DPP4: variants seen among roughly 807,000 people sequenced by gnomAD.
DPP4 encodes the protein dipeptidyl peptidase 4.
Under a neutral mutation model 122.4 loss-of-function variants are expected in DPP4, and 93 were observed. The observed-to-expected ratio is 0.76, with a 90% CI of 0.64 to 0.90. The LOEUF (loss-of-function observed/expected upper bound fraction) is 0.90, where lower values mean the gene tolerates loss of function less well. Ranked by LOEUF, DPP4 falls within the 40% of genes least tolerant of loss-of-function variation. The pLI is 0.00. For missense variants in DPP4, 914 were observed against 907.3 expected (o/e 1.01, Z -0.09); for synonymous variants, 321 against 302.9 (o/e 1.06, Z -0.62).
In DPP4 at chr2:161,993,156, G is replaced by C. The variant is rs200299476; in HGVS notation, c.*127C>G. On this transcript the variant is annotated 3_prime_UTR_variant, in exon 26 of 26. Transcript: ENST00000360534. ...ATAGGTATGAAATTTGGGAACAAAG[G>C]TAACCTTAAGTTTCTTGATTTGAGT... 1.0e-4 allele frequency: 72 copies of C among 711,790 alleles called. No homozygotes were observed. The highest frequency in any genetic ancestry group is 1.6e-4 in the Non-Finnish European group (66 of 422,058). 44.1% of individuals were successfully genotyped at this position (711,790 alleles called of 1,614,324 possible). A position where few individuals can be genotyped will look rare whatever the true frequency, so the allele number is the denominator to read the frequency against.
At chr2:162,034,582 C>T (rs758821470) in intron 9 of DPP4, among the ~76,000 whole-genome samples, 47 of 152,166 alleles carry the variant, frequency 3.1e-4, no homozygotes, top group Non-Finnish European at 5.0e-4. Context: ...CCCTTCTAAA[C>T]CCCATCTCAC....
In DPP4 at chr2:162,062,207, G is replaced by T. The variant is rs982173397; in HGVS notation, c.94+11192C>A. Among the ~76,000 whole-genome samples the T allele has an allele frequency of 3.9e-5, 6 of 152,254 alleles. No homozygotes were observed. In the South Asian group the frequency reaches 1.2e-3, roughly 32 times the overall value. On this transcript the variant is annotated intron_variant, in intron 2 of 25. Coordinates refer to ENST00000360534, the MANE Select transcript of DPP4 (RefSeq NM_001935.4). ...TGAGGCGGGAGAATCGCTTGAAACT[G>T]GGAGGCAGTGGTTGCAGTGAGCTGA...
intron 23 of DPP4, among the ~76,000 whole-genome samples, chr2:162,001,352 C>CT (rs572224316): frequency 1.6e-3 from 250 of 152,250 alleles, no homozygotes; most frequent in African/African-American, 5.7e-3. Flanking sequence ...AGGGGAAACT[C>CT]TAACTTCTTG....
chr2:162,033,910 T>C (rs2106118499), intron 9 of DPP4, among the ~76,000 whole-genome samples: 1 of 123,560 alleles, frequency 8.1e-6, no homozygotes, highest in South Asian at 2.7e-4. Flanking sequence ...TATATAAAAC[T>C]TGAAGGTCCA....
chr2:162,016,989 T>G, intron 17 of DPP4, 119 bp downstream of exon 17: 1 of 1,410,364 alleles, frequency 7.1e-7, no homozygotes, highest in Non-Finnish European at 9.8e-7. Flanking sequence ...TTATAAGGCT[T>G]GTGTTCAACT....
chr2:162,003,927 T>C (rs935017315), intron 23 of DPP4, among the ~76,000 whole-genome samples: 22 of 151,966 alleles, frequency 1.4e-4, no homozygotes, highest in Non-Finnish European at 2.6e-4. Context: ...AAAATGAGGA[T>C]TCAGAGATAT....
chr2:161,996,077 T>TA (rs372894166), intron 23 of DPP4, among the ~76,000 whole-genome samples: 46 of 147,020 alleles, frequency 3.1e-4, no homozygotes, highest in East Asian at 4.0e-4. Context: ...AGAAATAGGA[T>TA]AAAAAAAAAA....
intron 2 of DPP4, among the ~76,000 whole-genome samples, chr2:162,057,193 T>C (rs936159416): frequency 6.6e-6 from 1 of 152,180 alleles, no homozygotes. Flanking sequence ...AAATTCTCTA[T>C]TGCAATATCA....
chr2:162,004,367 T>G (rs575164757), intron 23 of DPP4, among the ~76,000 whole-genome samples: 10 of 152,232 alleles, frequency 6.6e-5, no homozygotes, highest in African/African-American at 2.2e-4. Flanking sequence ...AAGCAGCTTA[T>G]GGGAGGTGGA....
At chr2:162,055,703 C>G (rs1024960671) in intron 2 of DPP4, among the ~76,000 whole-genome samples, 1 of 151,914 alleles carries the variant, frequency 6.6e-6, no homozygotes, top group East Asian at 1.9e-4. Context: ...TGTGGTACAT[C>G]CAGGGGCATA....
intron 22 of DPP4, 95 bp from the exon 23 acceptor site, chr2:162,005,904 A>C: frequency 1.1e-6 from 1 of 928,772 alleles, no homozygotes; most frequent in Non-Finnish European, 1.7e-6. Flanking sequence ...ATATGTATTC[A>C]CTCATGTATA....
At chr2:162,041,846 C>A (rs1019165936) in intron 5 of DPP4, among the ~76,000 whole-genome samples, 5 of 152,112 alleles carry the variant, frequency 3.3e-5, no homozygotes, top group Non-Finnish European at 5.9e-5. Flanking sequence ...CTGGATAACA[C>A]AGAGTCCCTC....
chr2:162,074,107 C>T lies in DPP4; in HGVS notation c.-126G>A, dbSNP rs201512478. On this transcript the variant is annotated 5_prime_UTR_variant, in exon 1 of 26. Coordinates refer to ENST00000360534, the MANE Select transcript of DPP4 (RefSeq NM_001935.4). ...GGAGTCACTCGCCGCTGGCAAGTTT[C>T]GGCCCCGAGTTAAACATTAGTGAGC... 492 of 1,467,600 alleles carry T rather than the reference C, an allele frequency of 3.4e-4. 3 individuals are homozygous for T. In the Middle Eastern group the frequency reaches 9.8e-3, roughly 29 times the overall value. 90.9% of individuals were successfully genotyped at this position (1,467,600 alleles called of 1,614,324 possible).
In DPP4 at chr2:162,005,761, T is replaced by C; in HGVS notation, c.2036A>G (p.Asn679Ser). The change falls in exon 23 of 26, where the codon AAC becomes AGC. Residue 679 changes from asparagine to serine, a missense_variant. Coordinates refer to ENST00000360534, the MANE Select transcript of DPP4 (RefSeq NM_001935.4). ...RYMGLPTPED[N>S]LDHYRNSTVM... is the part of the protein sequence containing the mutation. ...ATCTCTTACTCTGTAATGGTCAAGG[T>C]TGTCTTCTGGAGTTGGGAGACCCAT... 6.2e-7 allele frequency: 1 copy of C among 1,613,072 alleles called. No individual in the cohort carries two copies. Among genetic ancestry groups the C allele is most frequent in the Non-Finnish European group, 8.5e-7 (1 of 1,179,486 alleles).
At position 162,001,008 on chromosome 2, in the gene DPP4, C is replaced by T. The variant is rs532086005; in HGVS notation, c.2052+4737G>A. The stretch of plus-strand genomic sequence containing the variant: ...ACCACTCTTCCTGCTATTCATTTGT[C>T]TACTGTGCTGATCTGCCTTCCCCCA... On this transcript the variant is annotated intron_variant, in intron 23 of 25. Transcript: ENST00000360534. Among the ~76,000 whole-genome samples, 3 of 152,306 alleles carry T rather than the reference C, an allele frequency of 2.0e-5. No homozygotes were observed. The East Asian group carries it at 5.8e-4, about 29-fold the overall frequency.
chr2:162,020,707 C>T lies in DPP4; in HGVS notation c.1069-19G>A. The T allele has an allele frequency of 6.4e-7, 1 of 1,570,260 alleles. No homozygotes were observed. The highest frequency in any genetic ancestry group is 8.7e-7 in the Non-Finnish European group (1 of 1,148,944). ...GCCTAAACTAGAAAATAATAGAGAA[C>T]AAAAGAACATTAAAGCACAGTGTCT... On this transcript the variant is annotated intron_variant, in intron 12 of 25. Transcript: ENST00000360534.
intron 2 of DPP4, among the ~76,000 whole-genome samples, chr2:162,068,753 T>C (rs1685026454): frequency 6.6e-6 from 1 of 152,140 alleles, no homozygotes; most frequent in Admixed American, 6.6e-5. Flanking sequence ...ACAGAACCAT[T>C]CAAAAGCTTG....
Position 162,074,110 on chromosome 2 carries a change from C to T in DPP4, c.-129G>A. On this transcript the variant is annotated 5_prime_UTR_variant, in exon 1 of 26. Coordinates refer to ENST00000360534, the MANE Select transcript of DPP4 (RefSeq NM_001935.4). ...GTCACTCGCCGCTGGCAAGTTTCGG[C>T]CCCGAGTTAAACATTAGTGAGCGCC... The T allele has an allele frequency of 6.8e-7, 1 of 1,464,086 alleles. No homozygotes were observed. Among genetic ancestry groups the T allele is most frequent in the Non-Finnish European group, 9.0e-7 (1 of 1,106,686 alleles). 90.7% of individuals were successfully genotyped at this position (1,464,086 alleles called of 1,614,324 possible). A position where few individuals can be genotyped will look rare whatever the true frequency, so the allele number is the denominator to read the frequency against.
chr2:162,046,936 A>G lies in DPP4; in HGVS notation c.264T>C (p.Val88=). ...VFNAEYGNSS[V]FLENSTFDEF... is the part of the protein sequence containing the mutation. ...ATACAAATGTACTGTTCTCCAAGAA[A>G]ACTGAGCTGTTTCCATATTCAGCAT... The change falls in exon 4 of 26, where the codon GTT becomes GTC. Residue 88 remains valine (V), a synonymous_variant. Transcript: ENST00000360534. 6.3e-7 allele frequency: 1 copy of G among 1,591,436 alleles called. No individual in the cohort carries two copies. Among genetic ancestry groups the G allele is most frequent in the Non-Finnish European group, 8.6e-7 (1 of 1,159,638 alleles).
Sources: gnomAD v4.1 joint callset for allele counts (sites outside exome capture counted in the v4.1 genomes callset) on GRCh38, gnomAD v4.1.1 for gene constraint, MANE v1.5 for transcripts, NCBI Gene and HGNC (gene_info 2026-07-23, HGNC 2026-07-21) for gene names.